CDK6: variants seen among roughly 807,000 people sequenced by gnomAD.
The protein encoded by CDK6 is cyclin dependent kinase 6.
Under a neutral mutation model 37.1 loss-of-function variants are expected in CDK6, and 6 were observed. The observed-to-expected ratio is 0.16, with a 90% CI of 0.09 to 0.32. CDK6 has a LOEUF of 0.32. Ranked by LOEUF, CDK6 falls within the 10% of genes least tolerant of loss-of-function variation. The probability of loss-of-function intolerance (pLI) is 1.00; values close to 1 mark genes in which losing one functional copy is unlikely to be tolerated. For synonymous variants in CDK6, 160 were observed against 161.3 expected (o/e 0.99, Z 0.06); for missense variants, 224 against 418.9 (o/e 0.53, Z 4.06).
chr7:92,758,853 C>G (rs1799381569), intron 3 of CDK6, among the ~76,000 whole-genome samples: 1 of 152,068 alleles, frequency 6.6e-6, no homozygotes, highest in Admixed American at 6.6e-5. Context: ...TTTTTCACCT[C>G]CCTGGTTAGC....
chr7:92,791,659 T>C (rs976992873), intron 2 of CDK6, among the ~76,000 whole-genome samples: 21 of 152,078 alleles, frequency 1.4e-4, no homozygotes, highest in African/African-American at 5.1e-4. Flanking sequence ...AAAGTTCAAA[T>C]GGTGTTGGAG....
At chr7:92,785,288 G>A (rs1326354189) in intron 2 of CDK6, among the ~76,000 whole-genome samples, 1 of 152,210 alleles carries the variant, frequency 6.6e-6, no homozygotes, top group African/African-American at 2.4e-5. Flanking sequence ...AGTCACAAAA[G>A]ACTATGTATT....
chr7:92,792,374 T>C (rs1476862099), intron 2 of CDK6, among the ~76,000 whole-genome samples: 1 of 152,216 alleles, frequency 6.6e-6, no homozygotes, highest in African/African-American at 2.4e-5. Context: ...TTGCACTAAA[T>C]TATATTCTAT....
In CDK6 at chr7:92,704,416, G is replaced by C. The variant is rs562471279; in HGVS notation, c.537+21210C>G. ...TGCTCAGAGCCCTCCTCTCTCTTTT[G>C]TTCTTCTGTATTTCTAATTCTATTC... is the stretch of plus-strand genomic sequence containing the variant. On this transcript the variant is annotated intron_variant, in intron 4 of 7. Coordinates refer to ENST00000424848, the MANE Select transcript of CDK6 (RefSeq NM_001145306.2). 8.5e-5 allele frequency among the ~76,000 whole-genome samples: 13 copies of C among 152,160 alleles called. No individual in the cohort carries two copies. In the South Asian group the frequency reaches 2.5e-3, roughly 29 times the overall value.
Position 92,798,789 on chromosome 7 carries a change from C to T in CDK6, c.234-23958G>A, listed in dbSNP as rs181351642. On this transcript the variant is annotated intron_variant, in intron 2 of 7. Transcript: ENST00000424848. ...CCTCTCTTCCTAACTCCAGACACTT[C>T]CTCAGCCTTTACTTAGGGCTCCCAA... Among the ~76,000 whole-genome samples the T allele has an allele frequency of 2.5e-3, 373 of 152,226 alleles. 3 individuals are homozygous for T. Among genetic ancestry groups the T allele is most frequent in the Non-Finnish European group, 4.2e-3 (286 of 67,996 alleles).
chr7:92,795,488 A>G (rs1198869674), intron 2 of CDK6, among the ~76,000 whole-genome samples: 2 of 152,156 alleles, frequency 1.3e-5, no homozygotes, highest in African/African-American at 2.4e-5. Context: ...AATGTGTTAC[A>G]ATGACAATGT....
intron 5 of CDK6, among the ~76,000 whole-genome samples, chr7:92,644,434 C>G (rs1224198087): frequency 6.6e-6 from 1 of 152,188 alleles, no homozygotes; most frequent in East Asian, 1.9e-4. Context: ...TGTGTACTCT[C>G]TTCATGGAGC....
intron 3 of CDK6, among the ~76,000 whole-genome samples, chr7:92,748,691 A>G (rs941266375): frequency 9.2e-5 from 14 of 152,168 alleles, no homozygotes; most frequent in Non-Finnish European, 1.5e-5. Context: ...TAGAATAAAT[A>G]AAATGAAATA....
intron 5 of CDK6, among the ~76,000 whole-genome samples, chr7:92,657,302 G>A (rs1213030322): frequency 6.6e-6 from 1 of 152,154 alleles, no homozygotes; most frequent in African/African-American, 2.4e-5. Context: ...CCTATTGTAA[G>A]CAGCTGATGG....
intron 3 of CDK6, among the ~76,000 whole-genome samples, chr7:92,752,572 A>C (rs566783144): frequency 6.6e-6 from 1 of 152,350 alleles, no homozygotes; most frequent in African/African-American, 2.4e-5. Context: ...AAAGATTTTC[A>C]AGTTCTTAGA....
rs919673005 is a variant in CDK6, at chr7:92,726,445, C to CT, written c.370-653dup. ...GTTTTTTTTTAAACAGGATCTTGCT[C>CT]TGTTGCCCAGGCTGGAGTGCAGTGC... On this transcript the variant is annotated intron_variant, in intron 3 of 7. Coordinates refer to ENST00000424848, the MANE Select transcript of CDK6 (RefSeq NM_001145306.2). 3.7e-4 allele frequency among the ~76,000 whole-genome samples: 56 copies of CT among 152,206 alleles called. 1 individual carries two copies. Among genetic ancestry groups the CT allele is most frequent in the Admixed American group, 2.3e-3 (35 of 15,282 alleles).
Position 92,607,819 on chromosome 7 carries a change from A to G in CDK6, c.*7321T>C, listed in dbSNP as rs574099319. ...TATTTACTACAGGTAATAGGAAAAC[A>G]AATGAATAAAAAGTGAGGAACTATG... On this transcript the variant is annotated 3_prime_UTR_variant, in exon 8 of 8. Coordinates refer to ENST00000424848, the MANE Select transcript of CDK6 (RefSeq NM_001145306.2). 18 of 233,324 alleles carry G rather than the reference A, an allele frequency of 7.7e-5. No homozygotes were observed. Among genetic ancestry groups the G allele is most frequent in the Non-Finnish European group, 1.5e-4 (18 of 117,946 alleles). The allele number at this position is 233,324 out of a possible 1,614,324, so 14.5% of individuals were successfully genotyped here. A position where few individuals can be genotyped will look rare whatever the true frequency, so the allele number is the denominator to read the frequency against.
At chr7:92,825,652 G>T (rs897045985) in intron 2 of CDK6, among the ~76,000 whole-genome samples, 8 of 152,112 alleles carry the variant, frequency 5.3e-5, no homozygotes, top group Non-Finnish European at 8.8e-5. Context: ...ATCTTTTATA[G>T]AAATTATTAG....
intron 5 of CDK6, among the ~76,000 whole-genome samples, chr7:92,646,270 C>T (rs963289727): frequency 6.6e-6 from 1 of 152,222 alleles, no homozygotes; most frequent in Non-Finnish European, 1.5e-5. Flanking sequence ...CATGCTAACA[C>T]ATCATGCACA....
intron 4 of CDK6, among the ~76,000 whole-genome samples, chr7:92,724,421 TATA>T: frequency 6.6e-6 from 1 of 152,166 alleles, no homozygotes; most frequent in East Asian, 1.9e-4. Context: ...AGGAAAAGTC[TATA>T]ATGTTTGGAA....
At chr7:92,693,370 T>G (rs1012988197) in intron 4 of CDK6, among the ~76,000 whole-genome samples, 2 of 152,222 alleles carry the variant, frequency 1.3e-5, no homozygotes, top group African/African-American at 4.8e-5. Flanking sequence ...CTGTCTCATA[T>G]GCCACAAGTT....
rs151046284 is a variant in CDK6 at position 92,834,964 on chromosome 7, G to T, written c.-367-1274C>A. The T allele has an allele frequency of 2.6e-5, 4 of 152,444 alleles. No individual in the cohort carries two copies. Among genetic ancestry groups the T allele is most frequent in the African/African-American group, 7.2e-5 (3 of 41,574 alleles). 9.4% of individuals were successfully genotyped at this position (152,444 alleles called of 1,614,324 possible). Reference sequence around the variant, plus strand: ...GCCTCCCTCCTCCAGGGCCGCCGCGGCCTCGGCAGGACTTTCACCACGACG... The same window carrying T: ...GCCTCCCTCCTCCAGGGCCGCCGCGTCCTCGGCAGGACTTTCACCACGACG... On this transcript the variant is annotated intron_variant, in intron 1 of 7. Coordinates refer to ENST00000424848, the MANE Select transcript of CDK6 (RefSeq NM_001145306.2). This position sits in a 1 kb window ranked among gnomAD's most constrained non-coding sequence, Gnocchi z 4.6.
intron 2 of CDK6, among the ~76,000 whole-genome samples, chr7:92,785,059 A>G (rs1246398858): frequency 6.6e-6 from 1 of 152,200 alleles, no homozygotes; most frequent in Admixed American, 6.5e-5. Flanking sequence ...ATGTTCACTG[A>G]ATGATGACGC....
chr7:92,679,151 T>C (rs1220172570), intron 4 of CDK6, among the ~76,000 whole-genome samples: 2 of 152,178 alleles, frequency 1.3e-5, no homozygotes, highest in African/African-American at 4.8e-5. Context: ...GAGTGTGCCA[T>C]CTATTTCCTG....
Sources: gnomAD v4.1 joint callset for allele counts (sites outside exome capture counted in the v4.1 genomes callset) on GRCh38, gnomAD v4.1.1 for gene constraint, Gnocchi (gnomAD v3.1) non-coding constraint, MANE v1.5 for transcripts, NCBI Gene and HGNC (gene_info 2026-07-23, HGNC 2026-07-21) for gene names.